MACROD2: variants seen among roughly 807,000 people sequenced by gnomAD.
MACROD2 encodes the protein ADP-ribose glycohydrolase MACROD2.
In MACROD2, 36 loss-of-function variants were observed where a neutral mutation model predicts 70.4. The ratio of observed to expected loss-of-function variants is 0.51; its 90% CI spans 0.39 to 0.68. The LOEUF (loss-of-function observed/expected upper bound fraction) is 0.68. Among genes scored for constraint, MACROD2 ranks in the 30% least tolerant of loss-of-function variants. The pLI, the probability that MACROD2 is intolerant of heterozygous loss-of-function variation, is 0.00. For missense variants in MACROD2, 496 were observed against 538.4 expected (o/e 0.92, Z 0.78); for synonymous variants, 172 against 178.8 (o/e 0.96, Z 0.30).
At chr20:14,017,898 T>TC (rs1427337230) in intron 2 of MACROD2, among the ~76,000 whole-genome samples, 4 of 152,174 alleles carry the variant, frequency 2.6e-5, no homozygotes, top group Non-Finnish European at 5.9e-5. Context: ...TCAGTAGAAT[T>TC]CATCAGTCAA....
chr20:14,838,455 C>T (rs973533764), intron 5 of MACROD2, among the ~76,000 whole-genome samples: 2 of 151,964 alleles, frequency 1.3e-5, no homozygotes, highest in Non-Finnish European at 2.9e-5. Flanking sequence ...TTGACTAATT[C>T]TTGTCCTCAT....
chr20:14,085,805 G>T, intron 3 of MACROD2, 77 bp downstream of exon 3: 1 of 818,936 alleles, frequency 1.2e-6, no homozygotes, highest in Non-Finnish European at 1.8e-6. Context: ...AAGAATGTAA[G>T]TATTTTAGAA....
chr20:14,393,063 A>G (rs1227114535), intron 3 of MACROD2, among the ~76,000 whole-genome samples: 1 of 152,168 alleles, frequency 6.6e-6, no homozygotes, highest in African/African-American at 2.4e-5. Context: ...TTATCCTCCC[A>G]ACAGTAAGCT....
intron 3 of MACROD2, among the ~76,000 whole-genome samples, chr20:14,097,132 G>T (rs1235718902): frequency 6.6e-6 from 1 of 152,120 alleles, no homozygotes; most frequent in Non-Finnish European, 1.5e-5. Flanking sequence ...TAATTTAAGG[G>T]TTCATCAAAC....
intron 3 of MACROD2, among the ~76,000 whole-genome samples, chr20:14,359,291 GT>G (rs1449214119): frequency 6.6e-6 from 1 of 152,054 alleles, no homozygotes; most frequent in East Asian, 1.9e-4. Flanking sequence ...ATTAAGGGTG[GT>G]TATTACCAAA....
intron 8 of MACROD2, among the ~76,000 whole-genome samples, chr20:15,690,202 C>A (rs990117429): frequency 2.0e-5 from 3 of 152,118 alleles, no homozygotes; most frequent in African/African-American, 7.2e-5. Flanking sequence ...CAGGTGAAGG[C>A]AGATGAATGG....
intron 5 of MACROD2, among the ~76,000 whole-genome samples, chr20:14,967,538 G>A (rs1267406151): frequency 2.0e-5 from 3 of 152,138 alleles, no homozygotes; most frequent in South Asian, 4.2e-4. Context: ...GATATAGACT[G>A]TGAATATTAT....
intron 11 of MACROD2, among the ~76,000 whole-genome samples, chr20:15,936,509 C>A (rs951458852): frequency 1.4e-5 from 2 of 146,222 alleles, no homozygotes; most frequent in Admixed American, 6.9e-5. Flanking sequence ...TATATATACT[C>A]TATATATACA....
chr20:15,134,827 T>G (rs1262470474), intron 5 of MACROD2, among the ~76,000 whole-genome samples: 2 of 151,748 alleles, frequency 1.3e-5, no homozygotes, highest in African/African-American at 4.8e-5. Context: ...CTAGCAAGAC[T>G]AATAAAAAAA....
chr20:15,935,327 C>T (rs1201445064), intron 11 of MACROD2, among the ~76,000 whole-genome samples: 1 of 152,142 alleles, frequency 6.6e-6, no homozygotes, highest in African/African-American at 2.4e-5. Context: ...CAAGTGAGCT[C>T]GCCGGCCGGC....
rs553874137 is a variant in MACROD2 at position 14,650,320 on chromosome 20, T to G, written c.302-34523T>G. Among the ~76,000 whole-genome samples the G allele has an allele frequency of 2.0e-5, 3 of 152,312 alleles. No individual in the cohort carries two copies. In the South Asian group the frequency reaches 6.2e-4, roughly 32 times the overall value. ...GATCTCTCTTCCAGTTCTTACACAG[T>G]TGGCTGTGGTTACTGACTTCTTATT... On this transcript the variant is annotated intron_variant, in intron 4 of 17. Transcript: ENST00000684519.
In MACROD2 at chr20:14,489,379, T is replaced by A. The variant is rs556038024; in HGVS notation, c.272-4100T>A. 5.3e-5 allele frequency among the ~76,000 whole-genome samples: 8 copies of A among 152,356 alleles called. No homozygotes were observed. In the South Asian group the frequency reaches 1.7e-3, roughly 32 times the overall value. ...CCTATATAAAGTGGTTCTAGAATCA[T>A]GCATGTGCTTGGGATTTTAATTTAT... On this transcript the variant is annotated intron_variant, in intron 3 of 17. Coordinates refer to ENST00000684519, the MANE Select transcript of MACROD2 (RefSeq NM_001351661.2).
intron 8 of MACROD2, among the ~76,000 whole-genome samples, chr20:15,744,738 TAC>T (rs1568536962): frequency 7.0e-6 from 1 of 143,144 alleles, no homozygotes; most frequent in Non-Finnish European, 1.5e-5. Context: ...ACACACACAC[TAC>T]ACACAAGGTG....
chr20:14,917,841 G>C (rs1229234357), intron 5 of MACROD2, among the ~76,000 whole-genome samples: 1 of 152,112 alleles, frequency 6.6e-6, no homozygotes, highest in Non-Finnish European at 1.5e-5. Flanking sequence ...AAGCAGTGGG[G>C]GCGAAAGTCA....
chr20:14,086,600 T>C (rs1185731635), intron 3 of MACROD2, among the ~76,000 whole-genome samples: 3 of 152,084 alleles, frequency 2.0e-5, no homozygotes, highest in African/African-American at 4.8e-5. Flanking sequence ...GGAAGGGCTG[T>C]TAAGGAGGGG....
chr20:14,861,976 A>AAT (rs369913144), intron 5 of MACROD2, among the ~76,000 whole-genome samples: 14,798 of 42,132 alleles, frequency 0.35, 3,272 homozygotes, highest in Non-Finnish European at 0.47. Flanking sequence ...TTTATATATA[A>AAT]ATATATATAT....
At chr20:14,271,840 G>A (rs1289538268) in intron 3 of MACROD2, among the ~76,000 whole-genome samples, 1 of 152,180 alleles carries the variant, frequency 6.6e-6, no homozygotes, top group Non-Finnish European at 1.5e-5. Flanking sequence ...AGAACTACGT[G>A]AAGAACACAG....
intron 3 of MACROD2, among the ~76,000 whole-genome samples, chr20:14,257,232 A>G (rs1176218121): frequency 6.6e-6 from 1 of 152,168 alleles, no homozygotes; most frequent in Non-Finnish European, 1.5e-5. Context: ...AATTTAAATC[A>G]GAGCTTCTCT....
At chr20:15,380,957 A>G (rs1311193668) in intron 6 of MACROD2, among the ~76,000 whole-genome samples, 1 of 152,058 alleles carries the variant, frequency 6.6e-6, no homozygotes, top group Non-Finnish European at 1.5e-5. Flanking sequence ...TCACTTTCAT[A>G]TTACTCATTA....
Sources: allele counts gnomAD v4.1 joint callset (sites outside exome capture counted in the v4.1 genomes callset), GRCh38; gene constraint gnomAD v4.1.1; transcripts MANE v1.5; gene names NCBI Gene and HGNC (gene_info 2026-07-23, HGNC 2026-07-21).